NKD1: variants seen among roughly 807,000 people sequenced by gnomAD.
NKD1 encodes the protein NKD inhibitor of Wnt signaling pathway 1.
A neutral mutation model predicts 56.0 loss-of-function variants in NKD1; 21 were observed. The ratio of observed to expected loss-of-function variants is 0.38; its 90% CI spans 0.27 to 0.54. NKD1 has a LOEUF of 0.54. NKD1 is among the 20% of genes least tolerant of loss of function. The probability of loss-of-function intolerance (pLI) is 0.82; values close to 1 mark genes in which losing one functional copy is unlikely to be tolerated. For missense variants in NKD1, 578 were observed against 642.7 expected (o/e 0.90, Z 1.09); for synonymous variants, 263 against 265.7 (o/e 0.99, Z 0.10).
intron 3 of NKD1, among the ~76,000 whole-genome samples, chr16:50,560,372 G>A (rs866262183): frequency 2.6e-5 from 4 of 152,272 alleles, no homozygotes; most frequent in Admixed American, 2.0e-4. Context: ...TGGTAACAGC[G>A]TAGCTGCTGC....
In NKD1 at chr16:50,637,749, A is replaced by T. The variant is rs1962499380; in HGVS notation, c.*3968A>T. 1 of 152,168 alleles carries T rather than the reference A, an allele frequency of 6.6e-6. No individual in the cohort carries two copies. The highest frequency in any genetic ancestry group is 2.4e-5 in the African/African-American group (1 of 41,424). 9.4% of individuals were successfully genotyped at this position (152,168 alleles called of 1,614,324 possible). ...GGTGAGAGGTTTGGTCTTGTTTGCA[A>T]ATCTTCTGAAGGCCATTCCAGAGGA... On this transcript the variant is annotated 3_prime_UTR_variant, in exon 10 of 10. Coordinates refer to ENST00000268459, the MANE Select transcript of NKD1 (RefSeq NM_033119.5).
At chr16:50,580,767 C>T (rs1346971812) in intron 3 of NKD1, among the ~76,000 whole-genome samples, 1 of 152,158 alleles carries the variant, frequency 6.6e-6, no homozygotes, top group Non-Finnish European at 1.5e-5. Context: ...CTTAGCCTGG[C>T]AATATTCAAG....
At chr16:50,629,047 C>T (rs1050970509) in intron 6 of NKD1, among the ~76,000 whole-genome samples, 1 of 151,784 alleles carries the variant, frequency 6.6e-6, no homozygotes, top group Non-Finnish European at 1.5e-5. Context: ...CTCACTGCAG[C>T]CTCAAACTCC....
chr16:50,633,197 C>A lies in NKD1; in HGVS notation c.829C>A (p.Pro277Thr), dbSNP rs1962384194. Residue 277 changes from proline (P) to threonine (T), a missense_variant, in exon 10 of 10, where the codon CCT becomes ACT. Transcript: ENST00000268459. The surrounding 1 kb of genome is among the most constrained non-coding windows in gnomAD (Gnocchi z 4.9). ...NYTSQFGPGS[P>T]SVAQKSELPP... ...TCTGTTGAATTGGTTCCTAGGCTCC[C>A]CTTCCGTGGCCCAGAAGTCAGAACT... 1 of 1,602,380 alleles carries A rather than the reference C, an allele frequency of 6.2e-7. No homozygotes were observed. The highest frequency in any genetic ancestry group is 1.3e-5 in the African/African-American group (1 of 74,660).
chr16:50,553,091 G>A (rs1364074538), intron 3 of NKD1, among the ~76,000 whole-genome samples: 1 of 152,224 alleles, frequency 6.6e-6, no homozygotes, highest in Admixed American at 6.5e-5. Flanking sequence ...AGAGAGAAAC[G>A]GAGGATGCTG....
At chr16:50,599,050 C>CGCT (rs1166938449) in intron 3 of NKD1, among the ~76,000 whole-genome samples, 1 of 151,998 alleles carries the variant, frequency 6.6e-6, no homozygotes, top group African/African-American at 2.4e-5. Context: ...CTCCGACAAG[C>CGCT]GCTGAGTGCA....
At position 50,635,272 on chromosome 16, in the gene NKD1, T is replaced by C. The variant is rs946046992; in HGVS notation, c.*1491T>C. ...TTTGCTTAAAGGATGCAGCCAGTCA[T>C]GGGGACCCTCCAGGGAAATTAATAT... On this transcript the variant is annotated 3_prime_UTR_variant, in exon 10 of 10. Transcript: ENST00000268459. This position sits in a 1 kb window ranked among gnomAD's most constrained non-coding sequence, Gnocchi z 4.1. The C allele has an allele frequency of 6.6e-6, 1 of 152,218 alleles. No homozygotes were observed. The highest frequency in any genetic ancestry group is 1.5e-5 in the Non-Finnish European group (1 of 68,102). The allele number at this position is 152,218 out of a possible 1,614,324, so 9.4% of individuals were successfully genotyped here.
At chr16:50,549,707 C>A in intron 3 of NKD1, 152 bp downstream of exon 3, 1 of 820,914 alleles carries the variant, frequency 1.2e-6, no homozygotes, top group Non-Finnish European at 1.8e-6. Context: ...ACCAACGCGA[C>A]CCTCTGCCCG....
chr16:50,603,614 A>T (rs1177146536), intron 3 of NKD1, among the ~76,000 whole-genome samples: 1 of 152,360 alleles, frequency 6.6e-6, no homozygotes, highest in East Asian at 1.9e-4. Flanking sequence ...GAACAGAAAG[A>T]TTGACAAAGC....
intron 3 of NKD1, among the ~76,000 whole-genome samples, chr16:50,587,721 C>T (rs1166037290): frequency 6.6e-6 from 1 of 152,206 alleles, no homozygotes. Context: ...TCCCCAAACC[C>T]TGGGCCAAGG....
chr16:50,595,109 G>A (rs1474507362), intron 3 of NKD1, among the ~76,000 whole-genome samples: 1 of 152,200 alleles, frequency 6.6e-6, no homozygotes, highest in Non-Finnish European at 1.5e-5. Flanking sequence ...GTCAGGGTGT[G>A]TGGGGGCTCT....
chr16:50,613,113 T>C (rs1242014484), intron 4 of NKD1, among the ~76,000 whole-genome samples: 7 of 152,038 alleles, frequency 4.6e-5, no homozygotes, highest in Non-Finnish European at 1.0e-4. Flanking sequence ...AACTAAGGAT[T>C]TGGCGGTGTC....
At position 50,556,006 on chromosome 16, in the gene NKD1, AT is replaced by A. The variant is rs1170576774; in HGVS notation, c.192+6452del. 2.6e-5 allele frequency: 4 copies of A among 152,008 alleles called. No homozygotes were observed. In the East Asian group the frequency reaches 5.8e-4, roughly 22 times the overall value. The allele number at this position is 152,008 out of a possible 1,614,324, so 9.4% of individuals were successfully genotyped here. A position where few individuals can be genotyped will look rare whatever the true frequency, so the allele number is the denominator to read the frequency against. ...AAAAATTCAGTCTCTCACAAACAAA[AT>A]ATCTGCCATTCCATCGGAGGGAGAA... is the stretch of plus-strand genomic sequence containing the variant. On this transcript the variant is annotated intron_variant, in intron 3 of 9. Transcript: ENST00000268459.
intron 3 of NKD1, among the ~76,000 whole-genome samples, chr16:50,554,299 G>A (rs1439372905): frequency 1.3e-5 from 2 of 152,240 alleles, no homozygotes; most frequent in African/African-American, 4.8e-5. Flanking sequence ...ATGTTGGAAG[G>A]TGGGGATGGA....
In NKD1 at chr16:50,627,918, A is replaced by G. The variant is rs148356534; in HGVS notation, c.463-2268A>G. On this transcript the variant is annotated intron_variant, in intron 6 of 9. Coordinates refer to ENST00000268459, the MANE Select transcript of NKD1 (RefSeq NM_033119.5). ...GAAGTGAGCGGCCATCAGCTGCCTC[A>G]TCTGTATAATGAAACCTCCTTCATG... Among the ~76,000 whole-genome samples the G allele has an allele frequency of 4.6e-5, 7 of 152,282 alleles. No homozygotes were observed. In the East Asian group the frequency reaches 7.7e-4, roughly 17 times the overall value.
rs1011136926 is a variant in NKD1, at chr16:50,548,609, G to A, written c.25+31G>A. The A allele has an allele frequency of 3.0e-5, 43 of 1,449,638 alleles. 1 individual carries two copies. In the Admixed American group the frequency reaches 4.7e-4, roughly 16 times the overall value. The allele number at this position is 1,449,638 out of a possible 1,614,324, so 89.8% of individuals were successfully genotyped here. ...TGCCCCCGCCCGCGCGCTCGCCCCG[G>A]GCCCCGCCGCCGTCGCCGCCGCGGT... On this transcript the variant is annotated intron_variant, in intron 1 of 9. Transcript: ENST00000268459.
At position 50,567,136 on chromosome 16, in the gene NKD1, C is replaced by T. The variant is rs376894246; in HGVS notation, c.192+17581C>T. Among the ~76,000 whole-genome samples, 33 of 152,160 alleles carry T rather than the reference C, an allele frequency of 2.2e-4. 1 individual carries two copies. Among genetic ancestry groups the T allele is most frequent in the African/African-American group, 6.0e-4 (25 of 41,490 alleles). ...TTGGGTTTATACTGAACCGTGTTGA[C>T]GCTGGGCCTTAGTTTTCTTACCTAT... On this transcript the variant is annotated intron_variant, in intron 3 of 9. Coordinates refer to ENST00000268459, the MANE Select transcript of NKD1 (RefSeq NM_033119.5).
chr16:50,628,369 T>G (rs1257944586), intron 6 of NKD1, among the ~76,000 whole-genome samples: 1 of 152,228 alleles, frequency 6.6e-6, no homozygotes, highest in Non-Finnish European at 1.5e-5. Flanking sequence ...CATGCCTGCC[T>G]GGCTGGGGCT....
chr16:50,553,751 A>G (rs560961173), intron 3 of NKD1: 1 of 152,320 alleles, frequency 6.6e-6, no homozygotes, highest in East Asian at 1.9e-4. Context: ...TTAAAAGATG[A>G]TTTGCTTTAA....
Sources: allele counts gnomAD v4.1 joint callset (sites outside exome capture counted in the v4.1 genomes callset), GRCh38; gene constraint gnomAD v4.1.1; non-coding constraint Gnocchi (gnomAD v3.1); transcripts MANE v1.5; gene names NCBI Gene and HGNC (gene_info 2026-07-23, HGNC 2026-07-21).